Variants in FLAD1 observed in about 807,000 individuals in gnomAD.
The protein encoded by FLAD1 is bifunctional FAD diphosphatase/FAD synthase.
In FLAD1, 35 loss-of-function variants were observed where a neutral mutation model predicts 55.0. The observed-to-expected ratio is 0.64, with a 90% CI of 0.49 to 0.84. The LOEUF (loss-of-function observed/expected upper bound fraction) is 0.84, where lower values mean the gene tolerates loss of function less well. Ranked by LOEUF, FLAD1 falls within the 40% of genes least tolerant of loss-of-function variation. The pLI is 0.00. For missense variants in FLAD1, 665 were observed against 742.6 expected, an observed-to-expected ratio of 0.90 and a Z score of 1.21; for synonymous variants, 267 against 303.0, an observed-to-expected ratio of 0.88 and a Z score of 1.23.
chr1:154,987,913 C>CA, intron 1 of FLAD1, 192 bp from the exon 2 acceptor site: 1 of 1,448,228 alleles, frequency 6.9e-7, no homozygotes, highest in African/African-American at 1.4e-5. Flanking sequence ...GCCTGGGTGA[C>CA]AGAGACCCAG....
chr1:154,985,023 C>T (rs1017279815), intron 1 of FLAD1, among the ~76,000 whole-genome samples: 1 of 145,124 alleles, frequency 6.9e-6, no homozygotes, highest in East Asian at 2.0e-4. Flanking sequence ...AGCCGCCACA[C>T]CTGGCTAATT....
chr1:154,989,294 G>A (rs1225492332), intron 2 of FLAD1, among the ~76,000 whole-genome samples: 1 of 152,160 alleles, frequency 6.6e-6, no homozygotes, highest in Non-Finnish European at 1.5e-5. Flanking sequence ...GCAGCATGGG[G>A]TTAGGGAATG....
Position 154,987,973 on chromosome 1 carries a change from C to T in FLAD1, c.373-132C>T, listed in dbSNP as rs192454315. 57 of 1,558,828 alleles carry T rather than the reference C, an allele frequency of 3.7e-5. No individual in the cohort carries two copies. The East Asian group carries it at 1.0e-3, about 28-fold the overall frequency. ...TCCCACTCTTGTGTCCAGTCCAGGC[C>T]CCTCAGCAGCCTGAGGTGGTGTCCT... On this transcript the variant is annotated intron_variant, in intron 1 of 6. Coordinates refer to ENST00000292180, the MANE Select transcript of FLAD1 (RefSeq NM_025207.5).
rs1249607725 is a variant in FLAD1, at chr1:154,992,157, A to AAAT, written c.1555-554_1555-552dup. ...GACTCCGTCTCAAAAAAAAAAAAAAAAATAGGGCCGGGCATGGTGGCACAC... is the reference window on the plus strand; with the variant it reads ...GACTCCGTCTCAAAAAAAAAAAAAAAAATAATAGGGCCGGGCATGGTGGCACAC... On this transcript the variant is annotated intron_variant, in intron 5 of 6. Transcript: ENST00000292180. Among the ~76,000 whole-genome samples, 491 of 133,140 alleles carry AAAT rather than the reference A, an allele frequency of 3.7e-3. 2 individuals carry two copies. The highest frequency in any genetic ancestry group is 0.013 in the African/African-American group (465 of 34,480). 87.3% of individuals were successfully genotyped at this position (133,140 alleles called of 152,430 possible). A position where few individuals can be genotyped will look rare whatever the true frequency, so the allele number is the denominator to read the frequency against.
At chr1:154,984,214 A>G in intron 1 of FLAD1, 148 bp downstream of exon 1, 1 of 638,352 alleles carries the variant, frequency 1.6e-6, no homozygotes, top group Non-Finnish European at 2.3e-6. Context: ...TATTGGAGGA[A>G]AATTAACCCT....
intron 1 of FLAD1, among the ~76,000 whole-genome samples, chr1:154,986,878 G>A (rs1223286506): frequency 2.6e-5 from 4 of 151,348 alleles, no homozygotes; most frequent in African/African-American, 4.9e-5. Context: ...GATTACAGGC[G>A]TGAGCCACCA....
rs1327707141 is a variant in FLAD1 at position 154,990,181 on chromosome 1, C to G, written c.1288C>G (p.Pro430Ala). The G allele has an allele frequency of 6.2e-7, 1 of 1,613,952 alleles. No homozygotes were observed. The highest frequency in any genetic ancestry group is 8.5e-7 in the Non-Finnish European group (1 of 1,179,948). ...VQRKLPDVPN[P>A]LQILYIRSIS... ...CAGGAAATTACCTGATGTTCCAAAC[C>G]CCCTCCAGATCCTGTATATCCGCAG... Residue 430 changes from proline to alanine, a missense_variant, in exon 4 of 7, where the codon CCC becomes GCC. Transcript: ENST00000292180.
rs1258921564 is a variant in FLAD1, at chr1:154,986,946, C to A, written c.373-1159C>A. Among the ~76,000 whole-genome samples, 4 of 151,758 alleles carry A rather than the reference C, an allele frequency of 2.6e-5. No individual in the cohort carries two copies. In the East Asian group the frequency reaches 7.7e-4, roughly 29 times the overall value. On this transcript the variant is annotated intron_variant, in intron 1 of 6. Coordinates refer to ENST00000292180, the MANE Select transcript of FLAD1 (RefSeq NM_025207.5). ...ACTGGGGGTCAGAGAGGTTGAGAAA[C>A]CTGCCCAGGGTTACATACCTAGGAA... is the stretch of plus-strand genomic sequence containing the variant.
chr1:154,990,453 C>T lies in FLAD1; in HGVS notation c.1479C>T (p.Pro493=). The stretch of plus-strand genomic sequence containing the variant: ...TTATGGGCACCCGCCGGACTGACCC[C>T]TACTCCTGTAGCCTCTGCCCTTTCA... ...AVLMGTRRTD[P]YSCSLCPFSP... is the part of the protein sequence containing the mutation. Residue 493 remains proline, a synonymous_variant, in exon 5 of 7, where the codon CCC becomes CCT. Transcript: ENST00000292180. 6.2e-7 allele frequency: 1 copy of T among 1,614,208 alleles called. No individual in the cohort carries two copies. The highest frequency in any genetic ancestry group is 8.5e-7 in the Non-Finnish European group (1 of 1,180,028).
rs1558072431 is a variant in FLAD1 at position 154,984,007 on chromosome 1, CT to C, written c.316del (p.Ser106LeufsTer6). On this transcript the variant is annotated frameshift_variant, in exon 1 of 7. Coordinates refer to ENST00000292180, the MANE Select transcript of FLAD1 (RefSeq NM_025207.5). LOFTEE classifies it high-confidence loss of function. ...GACCATGACATCTAGGGCCTCTGAA[CT>C]TTCTCCGGGGCGCAGCGTGACGGCT... ...GRTMTSRASE[L>X]SPGRSVTAGI... is the part of the protein sequence containing the mutation. The C allele has an allele frequency of 1.3e-6, 2 of 1,518,016 alleles. No homozygotes were observed. Among genetic ancestry groups the C allele is most frequent in the Non-Finnish European group, 1.8e-6 (2 of 1,132,792 alleles). The allele number at this position is 1,518,016 out of a possible 1,614,324, so 94.0% of individuals were successfully genotyped here.
intron 2 of FLAD1, among the ~76,000 whole-genome samples, chr1:154,989,222 A>G (rs1403832325): frequency 6.6e-6 from 1 of 152,090 alleles, no homozygotes; most frequent in Non-Finnish European, 1.5e-5. Context: ...AGTGATAAGG[A>G]GGATTTGATC....
rs539158486 is a variant in FLAD1 at position 154,992,783 on chromosome 1, G to A, written c.1625G>A (p.Arg542Gln). The A allele has an allele frequency of 9.9e-6, 16 of 1,614,036 alleles. No individual in the cohort carries two copies. Among genetic ancestry groups the A allele is most frequent in the African/African-American group, 4.0e-5 (3 of 74,900 alleles). ...LFVPYCILYD[R>Q]GYTSLGSREN... is the part of the protein sequence containing the mutation. ...GTCCCATACTGTATCCTGTATGACC[G>A]AGGGTAAGGGTATTAGGGGAAGGGA... The change falls in exon 6 of 7, where the codon CGA (arginine) becomes CAA (glutamine). Residue 542 changes from arginine to glutamine, a missense_variant. Transcript: ENST00000292180.
At chr1:154,990,664 C>T in intron 5 of FLAD1, 136 bp downstream of exon 5, 3 of 813,254 alleles carry the variant, frequency 3.7e-6, no homozygotes, top group Non-Finnish European at 1.8e-6. Flanking sequence ...GGAGGCAGTG[C>T]TATCTGTTCA....
Position 154,989,664 on chromosome 1 carries a change from G to T in FLAD1, c.1222G>T (p.Asp408Tyr). The change falls in exon 3 of 7, where the codon GAC becomes TAC. Residue 408 changes from aspartate (D) to tyrosine (Y), a missense_variant. Coordinates refer to ENST00000292180, the MANE Select transcript of FLAD1 (RefSeq NM_025207.5). ...QLCVGFNGGK[D>Y]CTALLHLFHA... ...CTGTGTGGGCTTCAACGGGGGCAAA[G>T]ACTGCACTGCCCTCCTGCACCTCTT... 6.3e-7 allele frequency: 1 copy of T among 1,592,696 alleles called. No homozygotes were observed. The highest frequency in any genetic ancestry group is 8.6e-7 in the Non-Finnish European group (1 of 1,168,332).
At position 154,984,032 on chromosome 1, in the gene FLAD1, C is replaced by A. The variant is rs763542723; in HGVS notation, c.338C>A (p.Ala113Asp). 1.3e-6 allele frequency: 2 copies of A among 1,512,614 alleles called. No individual in the cohort carries two copies. The highest frequency in any genetic ancestry group is 2.8e-5 in the African/African-American group (2 of 71,548). 93.7% of individuals were successfully genotyped at this position (1,512,614 alleles called of 1,614,324 possible). The change falls in exon 1 of 7, where the codon GCT becomes GAT. Residue 113 changes from alanine to aspartate, a missense_variant. Coordinates refer to ENST00000292180, the MANE Select transcript of FLAD1 (RefSeq NM_025207.5). ...SELSPGRSVTAGIIIVGDEIL... is the reference protein window; with the variant it reads ...SELSPGRSVTDGIIIVGDEIL... ...CTTTCTCCGGGGCGCAGCGTGACGG[C>A]TGGCATCATCATTGTTGGAGATGAG...
At chr1:154,988,061 A>T in intron 1 of FLAD1, 44 bp from the exon 2 acceptor site, 1 of 1,613,848 alleles carries the variant, frequency 6.2e-7, no homozygotes, top group Non-Finnish European at 8.5e-7. Context: ...CCTCCCCTTC[A>T]TCCCTACAGT....
At chr1:154,984,216 A>G (rs1043547420) in intron 1 of FLAD1, 150 bp downstream of exon 1, 7 of 627,582 alleles carry the variant, frequency 1.1e-5, no homozygotes, top group Middle Eastern at 9.8e-4. Context: ...TTGGAGGAAA[A>G]TTAACCCTCA....
At position 154,988,853 on chromosome 1, in the gene FLAD1, G is replaced by A. The variant is rs1427984074; in HGVS notation, c.1117+4G>A. The A allele has an allele frequency of 6.2e-7, 1 of 1,613,982 alleles. No individual in the cohort carries two copies. The highest frequency in any genetic ancestry group is 8.5e-7 in the Non-Finnish European group (1 of 1,179,972). Reference sequence around the variant, plus strand: ...GTATACAAACTCGCTGAATCAGGTAGGGACCTTATGGAGGAGGGGCATTAT... The same window carrying A: ...GTATACAAACTCGCTGAATCAGGTAAGGACCTTATGGAGGAGGGGCATTAT... On this transcript the variant is annotated splice_donor_region_variant and intron_variant, in intron 2 of 6. Transcript: ENST00000292180.
Position 154,988,232 on chromosome 1 carries a change from C to T in FLAD1, c.500C>T (p.Ser167Phe), listed in dbSNP as rs1286905688. 1.2e-6 allele frequency: 2 copies of T among 1,614,230 alleles called. No individual in the cohort carries two copies. The highest frequency in any genetic ancestry group is 4.5e-5 in the East Asian group (2 of 44,886). The stretch of plus-strand genomic sequence containing the variant: ...ATTGCAGCTGAGGTCACTTCTTTCT[C>T]CAACCGCTTCACCCATGTCCTCACA... ...ATIAAEVTSFSNRFTHVLTAG... is the reference protein window; with the variant it reads ...ATIAAEVTSFFNRFTHVLTAG... The change falls in exon 2 of 7, where the codon TCC becomes TTC. Residue 167 changes from serine (S) to phenylalanine (F), a missense_variant. Coordinates refer to ENST00000292180, the MANE Select transcript of FLAD1 (RefSeq NM_025207.5).
Sources: gnomAD v4.1 joint callset for allele counts (sites outside exome capture counted in the v4.1 genomes callset) on GRCh38, gnomAD v4.1.1 for gene constraint, MANE v1.5 for transcripts, NCBI Gene and HGNC (gene_info 2026-07-23, HGNC 2026-07-21) for gene names.